Variants in BRINP3 observed in about 807,000 individuals in gnomAD.
BRINP3 encodes the protein BMP/retinoic acid inducible neural specific 3.
In BRINP3, 19 loss-of-function variants were observed where a neutral mutation model predicts 71.0. That is an observed-to-expected ratio of 0.27 (90% CI 0.19 to 0.39). The LOEUF is 0.39. Among genes scored for constraint, BRINP3 ranks in the 10% least tolerant of loss-of-function variants. BRINP3 has a pLI of 1.00. For missense variants in BRINP3, 959 were observed against 940.8 expected (o/e 1.02, Z -0.25); for synonymous variants, 380 against 337.7 (o/e 1.13, Z -1.37).
At chr1:190,301,579 A>G (rs1423562275) in intron 2 of BRINP3, among the ~76,000 whole-genome samples, 1 of 151,746 alleles carries the variant, frequency 6.6e-6, no homozygotes, top group African/African-American at 2.4e-5. Context: ...AAATGTATGA[A>G]ATAAAAATTT....
At position 190,295,108 on chromosome 1, in the gene BRINP3, G is replaced by T. The variant is rs79111732; in HGVS notation, c.237-13358C>A. Among the ~76,000 whole-genome samples the T allele has an allele frequency of 2.1e-4, 32 of 152,144 alleles. No individual in the cohort carries two copies. The East Asian group carries it at 5.7e-3, about 27-fold the overall frequency. On this transcript the variant is annotated intron_variant, in intron 2 of 7. Coordinates refer to ENST00000367462, the MANE Select transcript of BRINP3 (RefSeq NM_199051.3). ...TTGACCAGCACAGTGTAGGGGCTTG[G>T]TCAAGGCCTGTAGTCACTGCTGCCT...
intron 2 of BRINP3, among the ~76,000 whole-genome samples, chr1:190,377,658 A>C (rs902465300): frequency 6.6e-6 from 1 of 150,744 alleles, no homozygotes; most frequent in African/African-American, 2.4e-5. Flanking sequence ...ACACACACAC[A>C]AAGTGTTAGA....
In BRINP3 at chr1:190,396,375, G is replaced by A. The variant is rs1483538152; in HGVS notation, c.236+58280C>T. ...AGAAAGCAAAACACTATCATCCTCAGTAACTGTAGCCAGGGGTGTAGATCT... is the reference window on the plus strand; with the variant it reads ...AGAAAGCAAAACACTATCATCCTCAATAACTGTAGCCAGGGGTGTAGATCT... On this transcript the variant is annotated intron_variant, in intron 2 of 7. Coordinates refer to ENST00000367462, the MANE Select transcript of BRINP3 (RefSeq NM_199051.3). Among the ~76,000 whole-genome samples, 27 of 151,612 alleles carry A rather than the reference G, an allele frequency of 1.8e-4. No individual in the cohort carries two copies. The Admixed American group carries it at 1.8e-3, about 10-fold the overall frequency.
chr1:190,108,340 G>A (rs1163958737), intron 7 of BRINP3, among the ~76,000 whole-genome samples: 7 of 145,600 alleles, frequency 4.8e-5, no homozygotes, highest in Non-Finnish European at 9.1e-5. Context: ...TAAGCAAATC[G>A]TGTGTGTGTG....
At chr1:190,365,788 T>A in intron 2 of BRINP3, among the ~76,000 whole-genome samples, 1 of 118,660 alleles carries the variant, frequency 8.4e-6, no homozygotes, top group Non-Finnish European at 1.7e-5. Flanking sequence ...CTGCGAAGAG[T>A]ACAATGAGAG....
At chr1:190,396,619 T>G (rs954321491) in intron 2 of BRINP3, among the ~76,000 whole-genome samples, 1 of 150,504 alleles carries the variant, frequency 6.6e-6, no homozygotes, top group Non-Finnish European at 1.5e-5. Context: ...CTTTCAAGTA[T>G]ATTGGAAAAT....
rs544576207 is a variant in BRINP3 at position 190,167,719 on chromosome 1, G to A, written c.962-6829C>T. ...GAACTGAAGGGTAGATATGTAGGAT[G>A]ACTGGAATTGATTTAAAATAATCTA... is the stretch of plus-strand genomic sequence containing the variant. On this transcript the variant is annotated intron_variant, in intron 6 of 7. Transcript: ENST00000367462. 3.3e-5 allele frequency among the ~76,000 whole-genome samples: 5 copies of A among 152,274 alleles called. No individual in the cohort carries two copies. In the South Asian group the frequency reaches 1.0e-3, roughly 32 times the overall value.
intron 2 of BRINP3, among the ~76,000 whole-genome samples, chr1:190,349,949 A>G (rs2102039744): frequency 6.6e-6 from 1 of 152,242 alleles, no homozygotes; most frequent in African/African-American, 2.4e-5. Flanking sequence ...TTAGTACAGC[A>G]CTTGTTCTGC....
At chr1:190,121,900 C>T (rs1490528454) in intron 7 of BRINP3, among the ~76,000 whole-genome samples, 2 of 152,022 alleles carry the variant, frequency 1.3e-5, no homozygotes, top group Non-Finnish European at 2.9e-5. Flanking sequence ...AAATAAAAAT[C>T]GTGTGGACTG....
chr1:190,445,268 G>A (rs1675133545), intron 2 of BRINP3, among the ~76,000 whole-genome samples: 1 of 152,010 alleles, frequency 6.6e-6, no homozygotes, highest in Admixed American at 6.6e-5. Context: ...ACACATTTCA[G>A]CTTTAACTTT....
At chr1:190,456,468 A>C (rs1292772159) in intron 1 of BRINP3, among the ~76,000 whole-genome samples, 1 of 152,140 alleles carries the variant, frequency 6.6e-6, no homozygotes, top group African/African-American at 2.4e-5. Flanking sequence ...AGAATTTTGG[A>C]ATAGGAGCTT....
At chr1:190,341,129 A>G (rs1667629042) in intron 2 of BRINP3, among the ~76,000 whole-genome samples, 1 of 151,794 alleles carries the variant, frequency 6.6e-6, no homozygotes, top group Admixed American at 6.6e-5. Flanking sequence ...GGAATTTAGA[A>G]GATCCATTAC....
At chr1:190,336,961 A>G (rs913083189) in intron 2 of BRINP3, among the ~76,000 whole-genome samples, 1 of 151,800 alleles carries the variant, frequency 6.6e-6, no homozygotes. Context: ...TGGTGAAATA[A>G]CTAAATAACT....
At chr1:190,378,138 A>G (rs1173013004) in intron 2 of BRINP3, among the ~76,000 whole-genome samples, 1 of 152,122 alleles carries the variant, frequency 6.6e-6, no homozygotes, top group African/African-American at 2.4e-5. Flanking sequence ...AAGTTAAACC[A>G]AACATGGAAA....
intron 5 of BRINP3, among the ~76,000 whole-genome samples, chr1:190,228,934 G>C (rs968339051): frequency 6.6e-6 from 1 of 152,012 alleles, no homozygotes; most frequent in Non-Finnish European, 1.5e-5. Context: ...CAGGATGTGA[G>C]GGCAACTGCT....
intron 1 of BRINP3, chr1:190,476,004 A>C (rs1462582560): frequency 6.6e-6 from 1 of 152,348 alleles, no homozygotes; most frequent in Non-Finnish European, 1.5e-5. Flanking sequence ...GAGACCAGGT[A>C]GAAACTAGTG....
At chr1:190,165,994 T>C (rs1651501302) in intron 6 of BRINP3, among the ~76,000 whole-genome samples, 1 of 152,136 alleles carries the variant, frequency 6.6e-6, no homozygotes, top group African/African-American at 2.4e-5. Flanking sequence ...TAACTTTTTT[T>C]CTCCTAACGG....
At chr1:190,128,921 G>A (rs926972442) in intron 7 of BRINP3, among the ~76,000 whole-genome samples, 9 of 151,036 alleles carry the variant, frequency 6.0e-5, no homozygotes, top group South Asian at 2.1e-4. Context: ...TACCAATACC[G>A]GTTCTACAGT....
chr1:190,240,900 AC>A (rs1228344343), intron 4 of BRINP3, among the ~76,000 whole-genome samples: 43 of 141,406 alleles, frequency 3.0e-4, no homozygotes, highest in African/African-American at 7.8e-4. Context: ...AAAAAAAAAA[AC>A]CACCCTCAAG....
Sources: allele counts gnomAD v4.1 joint callset (sites outside exome capture counted in the v4.1 genomes callset), GRCh38; gene constraint gnomAD v4.1.1; transcripts MANE v1.5; gene names NCBI Gene and HGNC (gene_info 2026-07-23, HGNC 2026-07-21).